USP34: variants seen among roughly 807,000 people sequenced by gnomAD.
The protein encoded by USP34 is ubiquitin carboxyl-terminal hydrolase 34.
USP34 carries 70 observed loss-of-function variants against 460.3 expected under a neutral mutation model. The observed-to-expected ratio is 0.15, with a 90% confidence interval of 0.13 to 0.19. The LOEUF is 0.19. USP34 is among the 10% of genes least tolerant of loss of function. The probability of loss-of-function intolerance (pLI) is 1.00; values close to 1 mark genes in which losing one functional copy is unlikely to be tolerated. For synonymous variants in USP34, 1,647 were observed against 1,405.3 expected, an observed-to-expected ratio of 1.17 and a Z score of -3.85; for missense variants, 3,985 against 4,236.2, an observed-to-expected ratio of 0.94 and a Z score of 1.65.
At chr2:61,205,628 A>G (rs1687097387) in intron 72 of USP34, among the ~76,000 whole-genome samples, 1 of 152,242 alleles carries the variant, frequency 6.6e-6, no homozygotes, top group Non-Finnish European at 1.5e-5. Context: ...GAGCCTAAGG[A>G]CAGCTACTGA....
intron 5 of USP34, among the ~76,000 whole-genome samples, chr2:61,390,045 T>C (rs574770193): frequency 1.3e-5 from 2 of 152,150 alleles, no homozygotes; most frequent in South Asian, 2.1e-4. Context: ...TCTTTGCTAG[T>C]ATATTTGTAA....
intron 51 of USP34, among the ~76,000 whole-genome samples, chr2:61,242,598 G>C (rs571118879): frequency 6.6e-6 from 1 of 152,106 alleles, no homozygotes; most frequent in South Asian, 2.1e-4. Flanking sequence ...GACAAAAGGA[G>C]GCTGAACAAA....
At chr2:61,337,816 G>A (rs1157202311) in intron 18 of USP34, among the ~76,000 whole-genome samples, 35 of 151,926 alleles carry the variant, frequency 2.3e-4, no homozygotes. Flanking sequence ...TGATCACCAG[G>A]GTATATTTTG....
At chr2:61,253,450 AT>A (rs1688640234) in intron 48 of USP34, among the ~76,000 whole-genome samples, 1 of 152,154 alleles carries the variant, frequency 6.6e-6, no homozygotes, top group African/African-American at 2.4e-5. Flanking sequence ...CTCTCATCAG[AT>A]GAGTTTGTCT....
chr2:61,371,648 TG>T (rs2103840063), intron 8 of USP34, among the ~76,000 whole-genome samples: 1 of 152,276 alleles, frequency 6.6e-6, no homozygotes, highest in South Asian at 2.1e-4. Flanking sequence ...TTAAATAATT[TG>T]TATAGCCTAA....
At position 61,283,448 on chromosome 2, in the gene USP34, C is replaced by T. The variant is rs1192659999; in HGVS notation, c.4834G>A (p.Val1612Ile). 1.2e-6 allele frequency: 2 copies of T among 1,605,170 alleles called. No homozygotes were observed. The highest frequency in any genetic ancestry group is 1.3e-5 in the African/African-American group (1 of 74,384). The change falls in exon 36 of 80, where the codon GTT becomes ATT. Residue 1612 changes from valine to isoleucine, a missense_variant and splice_region_variant. Val to Ile is a conservative substitution (Grantham distance 29, BLOSUM62 3). This residue lies in a region of USP34 where 1,114 missense variants were observed against 1,122.5 expected (regional missense o/e 0.99). Transcript: ENST00000398571. ...CTGTGATCAGACTGAGCTTTTAAAA[C>T]TCTGTAAAGTAAAAACACCACCACC... Reference protein sequence around the residue: ...AYTYDNLAPRVLKAQSDHRSR... With the variant: ...AYTYDNLAPRILKAQSDHRSR...
At chr2:61,355,100 C>T (rs1410563503) in intron 10 of USP34, among the ~76,000 whole-genome samples, 2 of 152,164 alleles carry the variant, frequency 1.3e-5, no homozygotes, top group African/African-American at 4.8e-5. Flanking sequence ...TGAAACCCAG[C>T]ACGAATATGC....
chr2:61,294,633 C>G (rs1689968299), intron 32 of USP34, among the ~76,000 whole-genome samples: 2 of 152,186 alleles, frequency 1.3e-5, no homozygotes, highest in South Asian at 4.1e-4. Context: ...GTTGGCCAGG[C>G]TGATCTCAAA....
At position 61,211,758 on chromosome 2, in the gene USP34, A is replaced by T. The variant is rs201638801; in HGVS notation, c.8840+14T>A. 6.6e-5 allele frequency: 103 copies of T among 1,550,488 alleles called. No individual in the cohort carries two copies. Among genetic ancestry groups the T allele is most frequent in the Admixed American group, 4.7e-5 (2 of 42,786 alleles). On this transcript the variant is annotated intron_variant, in intron 69 of 79. Coordinates refer to ENST00000398571, the MANE Select transcript of USP34 (RefSeq NM_014709.4). ...CTGGAAATAAACAAGACAAAACTAA[A>T]AACATCTTTTTACCTTATTAAAGTA...
At chr2:61,382,464 C>T (rs1277574473) in intron 6 of USP34, among the ~76,000 whole-genome samples, 1 of 152,198 alleles carries the variant, frequency 6.6e-6, no homozygotes, top group Non-Finnish European at 1.5e-5. Context: ...TGACTCACGT[C>T]CATCAGATAT....
At chr2:61,437,389 G>A (rs1694841915) in intron 1 of USP34, among the ~76,000 whole-genome samples, 1 of 152,140 alleles carries the variant, frequency 6.6e-6, no homozygotes, top group African/African-American at 2.4e-5. Context: ...ATTAGAGACT[G>A]CTGACCAACT....
chr2:61,190,215 C>T (rs984555013), intron 78 of USP34, 56 bp downstream of exon 78: 1 of 1,533,998 alleles, frequency 6.5e-7, no homozygotes, highest in East Asian at 2.3e-5. Flanking sequence ...GAAGGCCACA[C>T]AGTTAACTGA....
At chr2:61,350,502 C>A in intron 11 of USP34, 66 bp downstream of exon 11, 2 of 1,557,648 alleles carry the variant, frequency 1.3e-6, no homozygotes, top group Non-Finnish European at 1.7e-6. Context: ...GTTAAATTAT[C>A]TGAATCACAA....
intron 27 of USP34, among the ~76,000 whole-genome samples, chr2:61,306,563 G>T (rs1690411045): frequency 6.6e-6 from 1 of 151,996 alleles, no homozygotes; most frequent in African/African-American, 2.4e-5. Flanking sequence ...GCCCTTTTTT[G>T]GTTTCATATG....
intron 1 of USP34, among the ~76,000 whole-genome samples, chr2:61,432,710 G>A (rs1394737093): frequency 6.6e-6 from 1 of 151,990 alleles, no homozygotes; most frequent in Non-Finnish European, 1.5e-5. Flanking sequence ...CAGTGGGTGG[G>A]AGAGAGACAA....
chr2:61,339,409 C>T lies in USP34; in HGVS notation c.2686G>A (p.Asp896Asn), dbSNP rs754960068. 2 of 1,609,636 alleles carry T rather than the reference C, an allele frequency of 1.2e-6. No individual in the cohort carries two copies. The highest frequency in any genetic ancestry group is 1.7e-6 in the Non-Finnish European group (2 of 1,177,966). Reference protein sequence around the residue: ...LLCSLVCWFTDRQIRMRFIEG... With the variant: ...LLCSLVCWFTNRQIRMRFIEG... ...ATGAATCTCATTCGAATTTGTCTAT[C>T]TGTAAACCAACATACTAACGAACAA... The change falls in exon 18 of 80, where the codon GAT becomes AAT. Residue 896 changes from aspartate (D) to asparagine (N), a missense_variant. Transcript: ENST00000398571.
chr2:61,381,158 A>G (rs1369752911), intron 6 of USP34, among the ~76,000 whole-genome samples: 1 of 151,540 alleles, frequency 6.6e-6, no homozygotes, highest in African/African-American at 2.4e-5. Context: ...TTGTCCTATG[A>G]CCCTGCCAAA....
chr2:61,339,688 A>AT lies in USP34; in HGVS notation c.2501-8_2501-7insA. The AT allele has an allele frequency of 1.3e-5, 18 of 1,369,340 alleles. No homozygotes were observed. Among genetic ancestry groups the AT allele is most frequent in the South Asian group, 1.8e-5 (1 of 55,962 alleles). The allele number at this position is 1,369,340 out of a possible 1,614,324, so 84.8% of individuals were successfully genotyped here. On this transcript the variant is annotated splice_region_variant and splice_polypyrimidine_tract_variant and intron_variant, in intron 16 of 79. Transcript: ENST00000398571. ...TGTTTATGAACTACAGGTCCTGAAG[A>AT]GAAAAAAAAAAAAAAGACACACTAT...
At chr2:61,199,634 T>A (rs1001648581) in intron 75 of USP34, among the ~76,000 whole-genome samples, 19 of 152,230 alleles carry the variant, frequency 1.2e-4, no homozygotes, top group African/African-American at 4.3e-4. Flanking sequence ...CATAGACAGC[T>A]AACCAGTTAT....
Sources: gnomAD v4.1 joint callset for allele counts (sites outside exome capture counted in the v4.1 genomes callset) on GRCh38, gnomAD v4.1.1 for gene constraint, gnomAD v4.1.1 regional missense constraint, MANE v1.5 for transcripts, NCBI Gene and HGNC (gene_info 2026-07-23, HGNC 2026-07-21) for gene names.